STXBP5L: variants seen among roughly 807,000 people sequenced by gnomAD.
STXBP5L encodes the protein syntaxin-binding protein 5-like.
In STXBP5L, 65 loss-of-function variants were observed where a neutral mutation model predicts 144.5. The observed-to-expected ratio is 0.45, with a 90% CI of 0.37 to 0.55. STXBP5L has a LOEUF of 0.55. Ranked by LOEUF, STXBP5L falls within the 20% of genes least tolerant of loss-of-function variation. STXBP5L has a pLI of 0.00. For synonymous variants in STXBP5L, 505 were observed against 469.6 expected, an observed-to-expected ratio of 1.08 and a Z score of -0.97; for missense variants, 1,298 against 1,405.5, an observed-to-expected ratio of 0.92 and a Z score of 1.22.
intron 9 of STXBP5L, among the ~76,000 whole-genome samples, chr3:121,175,265 T>G (rs1181344783): frequency 1.3e-5 from 2 of 152,050 alleles, no homozygotes; most frequent in Non-Finnish European, 2.9e-5. Flanking sequence ...CTAGAGAAAT[T>G]TGAAGGTTTG....
intron 22 of STXBP5L, among the ~76,000 whole-genome samples, chr3:121,382,111 T>G (rs571899685): frequency 1.9e-3 from 292 of 150,450 alleles, no homozygotes; most frequent in Non-Finnish European, 3.2e-3. Flanking sequence ...ATCTTTTTTT[T>G]TTGAAGAAGA....
intron 5 of STXBP5L, among the ~76,000 whole-genome samples, chr3:121,070,816 G>T (rs759641731): frequency 1.8e-4 from 27 of 152,268 alleles, no homozygotes; most frequent in African/African-American, 6.3e-4. Flanking sequence ...ATGCGAGTAC[G>T]GGAATACTTC....
intron 9 of STXBP5L, among the ~76,000 whole-genome samples, chr3:121,187,629 T>C (rs1432090022): frequency 6.7e-6 from 1 of 148,378 alleles, no homozygotes; most frequent in Non-Finnish European, 1.5e-5. Context: ...ATAAACTGCA[T>C]CAACTAACAG....
intron 11 of STXBP5L, among the ~76,000 whole-genome samples, chr3:121,230,789 T>C (rs1014719851): frequency 2.6e-5 from 4 of 152,178 alleles, no homozygotes; most frequent in African/African-American, 9.7e-5. Flanking sequence ...GATTCAAACT[T>C]CGTCACTGTT....
At chr3:121,329,152 G>A (rs1033097921) in intron 20 of STXBP5L, among the ~76,000 whole-genome samples, 2 of 152,078 alleles carry the variant, frequency 1.3e-5, no homozygotes, top group African/African-American at 2.4e-5. Context: ...AATCTGAGCT[G>A]CACTTCAGGA....
chr3:121,172,611 C>A (rs1164147607), intron 9 of STXBP5L, among the ~76,000 whole-genome samples: 3 of 152,088 alleles, frequency 2.0e-5, no homozygotes. Flanking sequence ...TAGAGAAATG[C>A]AAATCAAAAC....
At chr3:120,962,674 C>A (rs561517055) in intron 3 of STXBP5L, among the ~76,000 whole-genome samples, 1 of 152,328 alleles carries the variant, frequency 6.6e-6, no homozygotes, top group East Asian at 1.9e-4. Context: ...GTTTTGCTTA[C>A]TGTAGCCTTG....
chr3:121,179,526 G>T (rs1004665864), intron 9 of STXBP5L, among the ~76,000 whole-genome samples: 2 of 151,948 alleles, frequency 1.3e-5, no homozygotes, highest in African/African-American at 4.8e-5. Context: ...GACAAAACAG[G>T]GTTCTCTAAT....
intron 22 of STXBP5L, among the ~76,000 whole-genome samples, chr3:121,395,211 G>A (rs528934740): frequency 2.0e-5 from 3 of 152,258 alleles, no homozygotes; most frequent in African/African-American, 7.2e-5. Flanking sequence ...ATGTAGTTTT[G>A]AGGTATTTGC....
In STXBP5L at chr3:121,110,849, C is replaced by A. The variant is rs540298578; in HGVS notation, c.471-4076C>A. On this transcript the variant is annotated intron_variant, in intron 5 of 26. Transcript: ENST00000471454. ...TCCAACTTGGCCCTGTTCTCCCTGT[C>A]TCTTTCAGGTACTTCAACCAGTCAG... Among the ~76,000 whole-genome samples, 6 of 152,336 alleles carry A rather than the reference C, an allele frequency of 3.9e-5. No homozygotes were observed. In the South Asian group the frequency reaches 1.2e-3, roughly 32 times the overall value.
chr3:121,277,983 C>A (rs985289725), intron 18 of STXBP5L, among the ~76,000 whole-genome samples: 3 of 151,972 alleles, frequency 2.0e-5, no homozygotes, highest in Non-Finnish European at 4.4e-5. Context: ...CAGATTAGTA[C>A]ACAGCCGAAG....
At chr3:121,300,432 A>G (rs905447312) in intron 19 of STXBP5L, among the ~76,000 whole-genome samples, 14 of 152,206 alleles carry the variant, frequency 9.2e-5, no homozygotes, top group African/African-American at 3.4e-4. Context: ...AGAAGTAACA[A>G]TGTATTATGG....
chr3:120,966,910 G>A (rs1187869251), intron 3 of STXBP5L, among the ~76,000 whole-genome samples: 1 of 152,194 alleles, frequency 6.6e-6, no homozygotes. Flanking sequence ...CAGAGAGTTG[G>A]ATTCTAGAGG....
At chr3:121,015,646 A>G in intron 3 of STXBP5L, among the ~76,000 whole-genome samples, 1 of 152,182 alleles carries the variant, frequency 6.6e-6, no homozygotes, top group East Asian at 1.9e-4. Context: ...TCTGAGAAAG[A>G]TTCCTTTATG....
At chr3:121,256,373 C>T (rs2050205717) in intron 16 of STXBP5L, among the ~76,000 whole-genome samples, 1 of 151,882 alleles carries the variant, frequency 6.6e-6, no homozygotes, top group Non-Finnish European at 1.5e-5. Context: ...CTCATTTTTA[C>T]ATTATAAGGC....
intron 5 of STXBP5L, among the ~76,000 whole-genome samples, chr3:121,070,645 C>T (rs1049873129): frequency 6.6e-6 from 1 of 152,134 alleles, no homozygotes; most frequent in Non-Finnish European, 1.5e-5. Flanking sequence ...CCAGTTGGTA[C>T]TTTTGCAAAG....
intron 9 of STXBP5L, among the ~76,000 whole-genome samples, chr3:121,188,943 TG>T (rs1211434005): frequency 6.6e-6 from 1 of 152,204 alleles, no homozygotes; most frequent in African/African-American, 2.4e-5. Flanking sequence ...AACATAGTTT[TG>T]AAAGTTCTGG....
chr3:121,172,735 A>T (rs1033587406), intron 9 of STXBP5L, among the ~76,000 whole-genome samples: 2 of 152,234 alleles, frequency 1.3e-5, no homozygotes, highest in Non-Finnish European at 2.9e-5. Context: ...TGTTGGTGGG[A>T]GTGTAAATTA....
intron 3 of STXBP5L, among the ~76,000 whole-genome samples, chr3:121,014,932 A>G (rs1451365252): frequency 6.6e-6 from 1 of 152,104 alleles, no homozygotes; most frequent in Non-Finnish European, 1.5e-5. Flanking sequence ...TAAAAATAAT[A>G]AAGTACTTAG....
Sources: allele counts gnomAD v4.1 joint callset (sites outside exome capture counted in the v4.1 genomes callset), GRCh38; gene constraint gnomAD v4.1.1; transcripts MANE v1.5; gene names NCBI Gene and HGNC (gene_info 2026-07-23, HGNC 2026-07-21).